The following ADGRD1 variants were observed in gnomAD, a reference collection of about 807,000 sequenced individuals.
The protein encoded by ADGRD1 is adhesion G protein-coupled receptor D1.
A neutral mutation model predicts 113.4 loss-of-function variants in ADGRD1; 77 were observed. The observed-to-expected ratio is 0.68, with a 90% CI of 0.57 to 0.82. The LOEUF (loss-of-function observed/expected upper bound fraction) is 0.82. Among genes scored for constraint, ADGRD1 ranks in the 40% least tolerant of loss-of-function variants. ADGRD1 has a pLI of 0.00. For missense variants in ADGRD1, 1,036 were observed against 1,139.1 expected, an observed-to-expected ratio of 0.91 and a Z score of 1.30; for synonymous variants, 474 against 475.0, an observed-to-expected ratio of 1.00 and a Z score of 0.03.
In ADGRD1 at chr12:130,963,584, C is replaced by T. The variant is rs1870666317; in HGVS notation, c.104-2879C>T. On this transcript the variant is annotated intron_variant, in intron 2 of 24. Coordinates refer to ENST00000261654, the MANE Select transcript of ADGRD1 (RefSeq NM_198827.5). ...CATCTTTTTAAAAATTAGACAATAT[C>T]AATGAAAGAATATGCCATCTAAGTT... Among the ~76,000 whole-genome samples the T allele has an allele frequency of 3.3e-5, 5 of 152,106 alleles. 1 individual carries two copies. Among genetic ancestry groups the T allele is most frequent in the Admixed American group, 3.3e-4 (5 of 15,274 alleles).
intron 13 of ADGRD1, among the ~76,000 whole-genome samples, chr12:131,046,330 G>T (rs112877410): frequency 0.12 from 3,083 of 26,270 alleles, no homozygotes; most frequent in East Asian, 0.23. Flanking sequence ...GTCCTCCCTG[G>T]TCAGTGCTCC....
At chr12:131,024,691 C>T (rs1184696713) in intron 13 of ADGRD1, 1 of 152,184 alleles carries the variant, frequency 6.6e-6, no homozygotes, top group African/African-American at 2.4e-5. Flanking sequence ...TGTGTAAGTC[C>T]CCTCTGTGAT....
chr12:130,963,192 C>T (rs948956686), intron 2 of ADGRD1, among the ~76,000 whole-genome samples: 12 of 151,700 alleles, frequency 7.9e-5, no homozygotes, highest in East Asian at 1.9e-4. Flanking sequence ...TGGTGGCGGG[C>T]GCCTGTAGTC....
Position 131,089,393 on chromosome 12 carries a change from C to T in ADGRD1, c.1671+4730C>T, listed in dbSNP as rs1886745078. On this transcript the variant is annotated intron_variant, in intron 15 of 24. Coordinates refer to ENST00000261654, the MANE Select transcript of ADGRD1 (RefSeq NM_198827.5). ...ACAGCTCTGCAGAGTGGGCACCGGC[C>T]CCACTGGCTGCCGGGAGCCATTTAT... 2.0e-5 allele frequency among the ~76,000 whole-genome samples: 3 copies of T among 152,362 alleles called. No individual in the cohort carries two copies. In the South Asian group the frequency reaches 6.2e-4, roughly 32 times the overall value.
At chr12:131,098,189 C>CCTCACCGCCTTCTCCCCCGG in intron 15 of ADGRD1, among the ~76,000 whole-genome samples, 1 of 132,662 alleles carries the variant, frequency 7.5e-6, no homozygotes, top group Non-Finnish European at 1.6e-5. Context: ...GCTGTCTGGG[C>CCTCACCGCCTTCTCCCCCGG]TGCCTCACTG....
rs1879452366 is a variant in ADGRD1, at chr12:131,022,637, G to A, written c.1473+8297G>A. On this transcript the variant is annotated intron_variant, in intron 13 of 24. Transcript: ENST00000261654. The surrounding 1 kb of genome is among the most constrained non-coding windows in gnomAD (Gnocchi z 4.6). ...CGGGAGCTCTGTCCAGTTGGTTTCT[G>A]CCTCCTTTGATGCCTCCCTCATTTT... The A allele has an allele frequency of 6.6e-6, 1 of 152,196 alleles. No homozygotes were observed. Among genetic ancestry groups the A allele is most frequent in the Non-Finnish European group, 1.5e-5 (1 of 68,040 alleles). The allele number at this position is 152,196 out of a possible 1,614,324, so 9.4% of individuals were successfully genotyped here. A position where few individuals can be genotyped will look rare whatever the true frequency, so the allele number is the denominator to read the frequency against.
intron 15 of ADGRD1, among the ~76,000 whole-genome samples, chr12:131,092,702 CCGCTCCTGGGGCCTGGTGGTCA>C: frequency 6.6e-6 from 1 of 152,252 alleles, no homozygotes; most frequent in South Asian, 2.1e-4. Context: ...CCCCGAGCAC[CCGCTCCTGGGGCCTGGTGGTCA>C]CAGGGAAAAA....
rs150054315 is a variant in ADGRD1 at position 131,038,710 on chromosome 12, C to T, written c.1473+24370C>T. 6.0e-3 allele frequency among the ~76,000 whole-genome samples: 908 copies of T among 152,254 alleles called. 7 individuals carry two copies. The highest frequency in any genetic ancestry group is 0.021 in the African/African-American group (871 of 41,552). ...TCTGACTCTGCCACGAGAGCACAGC[C>T]GGGGTGCAGGTGAGGGGGACGGCAG... On this transcript the variant is annotated intron_variant, in intron 13 of 24. Coordinates refer to ENST00000261654, the MANE Select transcript of ADGRD1 (RefSeq NM_198827.5).
chr12:131,077,563 C>G (rs1253816432), intron 14 of ADGRD1, among the ~76,000 whole-genome samples: 2 of 152,088 alleles, frequency 1.3e-5, no homozygotes, highest in African/African-American at 4.8e-5. Context: ...ATGGCTCCCA[C>G]AGTCACAGCG....
chr12:131,125,287 A>G (rs897648150), intron 20 of ADGRD1, among the ~76,000 whole-genome samples: 1 of 152,172 alleles, frequency 6.6e-6, no homozygotes, highest in Non-Finnish European at 1.5e-5. Flanking sequence ...CAGAGCCTAG[A>G]CACCCCGTTC....
chr12:131,090,190 T>C (rs1213411474), intron 15 of ADGRD1, among the ~76,000 whole-genome samples: 1 of 152,074 alleles, frequency 6.6e-6, no homozygotes, highest in Non-Finnish European at 1.5e-5. Context: ...CCAGAAAAGG[T>C]TGATTTGAAA....
In ADGRD1 at chr12:130,984,072, G is replaced by A. The variant is rs373946670; in HGVS notation, c.490+2009G>A. Among the ~76,000 whole-genome samples, 1 of 152,196 alleles carries A rather than the reference G, an allele frequency of 6.6e-6. No homozygotes were observed. The highest frequency in any genetic ancestry group is 2.4e-5 in the African/African-American group (1 of 41,452). ...ATGTTGGTTAACATTATACGCCCTC[G>A]CTTAGAGCACAGGCTGATGCCAATG... is the stretch of plus-strand genomic sequence containing the variant. On this transcript the variant is annotated intron_variant, in intron 5 of 24. Coordinates refer to ENST00000261654, the MANE Select transcript of ADGRD1 (RefSeq NM_198827.5). This position sits in a 1 kb window ranked among gnomAD's most constrained non-coding sequence, Gnocchi z 4.1.
intron 20 of ADGRD1, 58 bp downstream of exon 20, chr12:131,120,971 G>T: frequency 1.3e-6 from 2 of 1,511,858 alleles, no homozygotes; most frequent in Non-Finnish European, 1.8e-6. Flanking sequence ...GGAGGAGAGG[G>T]TGTGGGGCTC....
At chr12:130,979,450 T>C (rs998236714) in intron 4 of ADGRD1, among the ~76,000 whole-genome samples, 9 of 152,226 alleles carry the variant, frequency 5.9e-5, no homozygotes, top group Non-Finnish European at 8.8e-5. Context: ...CTAACAGATA[T>C]GTTAATTCAT....
At chr12:131,018,771 G>A (rs147871617) in intron 13 of ADGRD1, among the ~76,000 whole-genome samples, 45 of 152,322 alleles carry the variant, frequency 3.0e-4, no homozygotes, top group Middle Eastern at 3.4e-3. Context: ...TGACATTCTC[G>A]TGGAACTTCT....
intron 14 of ADGRD1, among the ~76,000 whole-genome samples, chr12:131,081,269 A>G (rs542927419): frequency 4.6e-5 from 7 of 152,206 alleles, no homozygotes; most frequent in Non-Finnish European, 1.0e-4. Flanking sequence ...TGTTTAGACA[A>G]TTTATATTTC....
chr12:130,969,018 GC>G (rs1286072127), intron 3 of ADGRD1: 4 of 1,535,396 alleles, frequency 2.6e-6, no homozygotes, highest in African/African-American at 2.7e-5. Context: ...TTCCCGTAAT[GC>G]TACTTTTGTG....
chr12:131,001,922 A>C (rs1437946361), intron 9 of ADGRD1, among the ~76,000 whole-genome samples: 2 of 152,238 alleles, frequency 1.3e-5, no homozygotes, highest in African/African-American at 2.4e-5. Flanking sequence ...CATTATTAAT[A>C]AGATTGCGTT....
rs1457101945 is a variant in ADGRD1 at position 131,137,032 on chromosome 12, G to A, written c.2436+18G>A. 1.2e-6 allele frequency: 2 copies of A among 1,603,208 alleles called. No homozygotes were observed. Among genetic ancestry groups the A allele is most frequent in the Admixed American group, 1.7e-5 (1 of 60,006 alleles). ...ATTCAGAGGTACGTCCGCTCTGCTT[G>A]CTGGCAGGTGCAGGTGCAGCTGGCT... On this transcript the variant is annotated intron_variant, in intron 23 of 24. Coordinates refer to ENST00000261654, the MANE Select transcript of ADGRD1 (RefSeq NM_198827.5).
Sources: gnomAD v4.1 joint callset for allele counts (sites outside exome capture counted in the v4.1 genomes callset) on GRCh38, gnomAD v4.1.1 for gene constraint, Gnocchi (gnomAD v3.1) non-coding constraint, MANE v1.5 for transcripts, NCBI Gene and HGNC (gene_info 2026-07-23, HGNC 2026-07-21) for gene names.